The following NBPF8 variants were observed in gnomAD, a reference collection of about 807,000 sequenced individuals.
NBPF8 encodes NBPF family member NBPF8.
At chr1:120,419,655 T>C (rs1389807195), upstream of NBPF8, among the ~76,000 whole-genome samples, 6 of 146,910 alleles carry the variant, frequency 4.1e-5, no homozygotes, top group Non-Finnish European at 7.5e-5. Context: ...AGAGATGGGG[T>C]CTTACTATGT....
At chr1:120,433,432 CA>C (rs1660943600), upstream of NBPF8, 1 of 152,480 alleles carries the variant, frequency 6.6e-6, no homozygotes, top group Admixed American at 6.6e-5. Flanking sequence ...CTTTTTTATT[CA>C]TAAAAAATCC....
chr1:120,435,822 C>T (rs1239206817), upstream of NBPF8, among the ~76,000 whole-genome samples: 32 of 151,226 alleles, frequency 2.1e-4, no homozygotes, highest in Admixed American at 1.5e-3. Flanking sequence ...GCCTAGATCG[C>T]GTCACTGCAC....
intron 3 of NBPF8, among the ~76,000 whole-genome samples, 187 bp downstream of exon 3, chr1:120,428,034 G>A (rs2101532198): frequency 2.0e-5 from 3 of 152,270 alleles, no homozygotes; most frequent in Middle Eastern, 6.8e-3. Flanking sequence ...ATAATTTTAT[G>A]GGCATTCTTT....
chr1:120,465,828 C>T (rs1273102225), intron 24 of NBPF8, 150 bp from the exon 23 acceptor site: 23 of 1,509,566 alleles, frequency 1.5e-5, no homozygotes, highest in Admixed American at 1.4e-4. Flanking sequence ...CCTGTTCTAT[C>T]CCAACATAAA....
At chr1:120,418,496 C>T (rs1413944333), upstream of NBPF8, among the ~76,000 whole-genome samples, 49 of 149,468 alleles carry the variant, frequency 3.3e-4, no homozygotes, top group Admixed American at 1.2e-3. Context: ...AAAGGGCCGA[C>T]GTGATATGAT....
At chr1:120,445,746 T>C (rs1194643864) in intron 7 of NBPF8, 1 of 251,846 alleles carries the variant, frequency 4.0e-6, no homozygotes, top group African/African-American at 1.4e-4. Flanking sequence ...TTGTGAACAT[T>C]GTCTCAGAAA....
At chr1:120,421,478 CCCTCTCTCCCTGCCTT>C (rs1660575429) in intron 1 of NBPF8, among the ~76,000 whole-genome samples, 1 of 149,498 alleles carries the variant, frequency 6.7e-6, no homozygotes, top group African/African-American at 2.5e-5. Context: ...CTCCCTTCCT[CCCTCTCTCCCTGCCTT>C]CCTCCCTCCC....
chr1:120,418,832 G>A (rs1293184942), upstream of NBPF8, among the ~76,000 whole-genome samples: 1 of 150,992 alleles, frequency 6.6e-6, no homozygotes, highest in Non-Finnish European at 1.5e-5. Flanking sequence ...ACAGGCATAA[G>A]CCATCACCGC....
chr1:120,415,678 G>T (rs1660415837), upstream of NBPF8, among the ~76,000 whole-genome samples: 1 of 152,214 alleles, frequency 6.6e-6, no homozygotes, highest in African/African-American at 2.4e-5. Flanking sequence ...GACTTGCAAA[G>T]TTGGGGTCTT....
intron 8 of NBPF8, among the ~76,000 whole-genome samples, chr1:120,446,196 G>C (rs1285494638): frequency 1.3e-5 from 2 of 151,130 alleles, no homozygotes; most frequent in African/African-American, 2.4e-5. Context: ...GGTAAGAACA[G>C]AGATGGGAAA....
At chr1:120,467,642 G>A (rs1219356325) in exon 25 of NBPF8, 1 of 144,852 alleles carries the variant, frequency 6.9e-6, no homozygotes, top group Non-Finnish European at 1.5e-5. Context: ...TTTTACTAGT[G>A]TCTGCTGTTG....
upstream of NBPF8, among the ~76,000 whole-genome samples, chr1:120,419,105 C>G (rs1231371543): frequency 6.6e-6 from 1 of 152,120 alleles, no homozygotes; most frequent in Non-Finnish European, 1.5e-5. Context: ...AATGAACATA[C>G]TAATACCATA....
At chr1:120,467,543 C>A (rs1313943302) in exon 25 of NBPF8, 2 of 116,094 alleles carry the variant, frequency 1.7e-5, no homozygotes, top group African/African-American at 6.7e-5. Flanking sequence ...AACATTTTAT[C>A]ATTTATTAAT....
exon 15 of NBPF8, chr1:120,453,941 C>T (rs1208673428): frequency 8.1e-6 from 13 of 1,600,512 alleles, no homozygotes; most frequent in East Asian, 2.2e-5. Flanking sequence ...AAGGAAGTCC[C>T]TGAGGACTCA....
exon 13 of NBPF8, chr1:120,452,143 A>T: frequency 6.2e-7 from 1 of 1,605,840 alleles, no homozygotes; most frequent in Non-Finnish European, 8.5e-7. Flanking sequence ...GTTCACACTC[A>T]GGAACGAGAG....
chr1:120,435,716 A>G (rs1361660035), upstream of NBPF8, among the ~76,000 whole-genome samples: 2 of 151,796 alleles, frequency 1.3e-5, no homozygotes, highest in African/African-American at 4.8e-5. Context: ...GAAAAGAAAA[A>G]TTAGCCAGGC....
chr1:120,460,002 A>G (rs1445411570), intron 17 of NBPF8, among the ~76,000 whole-genome samples: 1 of 151,916 alleles, frequency 6.6e-6, no homozygotes, highest in Non-Finnish European at 1.5e-5. Context: ...CACTGAATTT[A>G]TTCCCATTTT....
intron 11 of NBPF8, among the ~76,000 whole-genome samples, 190 bp downstream of exon 9, chr1:120,449,592 T>A (rs1553248489): frequency 6.6e-6 from 1 of 152,114 alleles, no homozygotes; most frequent in Non-Finnish European, 1.5e-5. Context: ...ACTTTCCATG[T>A]TTTCAATCAG....
upstream of NBPF8, among the ~76,000 whole-genome samples, chr1:120,434,721 A>T (rs1309743556): frequency 6.9e-6 from 1 of 145,864 alleles, no homozygotes; most frequent in Non-Finnish European, 1.5e-5. Context: ...TAAAAAGTTA[A>T]TATTAACCAC....
Sources: allele counts gnomAD v4.1 joint callset (sites outside exome capture counted in the v4.1 genomes callset), GRCh38; gene constraint gnomAD v4.1.1; transcripts MANE v1.5; gene names NCBI Gene and HGNC (gene_info 2026-07-23, HGNC 2026-07-21).